WDR89: variants seen among roughly 807,000 people sequenced by gnomAD.
WDR89 encodes the protein WD repeat-containing protein 89.
WDR89 carries 17 observed loss-of-function variants against 29.1 expected under a neutral mutation model. The observed-to-expected ratio is 0.58, with a 90% CI of 0.40 to 0.88. The LOEUF is 0.88. Among genes scored for constraint, WDR89 ranks in the 40% least tolerant of loss-of-function variants. The pLI is 0.00. For missense variants in WDR89, 396 were observed against 456.3 expected, an observed-to-expected ratio of 0.87 and a Z score of 1.20; for synonymous variants, 138 against 157.8, an observed-to-expected ratio of 0.87 and a Z score of 0.94.
In WDR89 at chr14:63,603,918, T is replaced by C. The variant is rs114967360; in HGVS notation, c.-31-3945A>G. 5.9e-3 allele frequency among the ~76,000 whole-genome samples: 895 copies of C among 152,332 alleles called. 5 individuals carry two copies. Among genetic ancestry groups the C allele is most frequent in the African/African-American group, 0.021 (855 of 41,578 alleles). On this transcript the variant is annotated intron_variant, in intron 2 of 2. Transcript: ENST00000620954. Reference sequence around the variant, plus strand: ...CCCGCCAGACAAAATAGCCTTACCTTGAACACGTCAGGCTTGCTCCTGCCT... The same window carrying C: ...CCCGCCAGACAAAATAGCCTTACCTCGAACACGTCAGGCTTGCTCCTGCCT...
At chr14:63,626,947 C>T (rs939332165) in intron 1 of WDR89, among the ~76,000 whole-genome samples, 4 of 151,756 alleles carry the variant, frequency 2.6e-5, no homozygotes, top group African/African-American at 9.7e-5. Flanking sequence ...AAAGAGAACC[C>T]GTCCTTACAA....
rs552320812 is a variant in WDR89, at chr14:63,610,729, GTC to G, written c.-31-10758_-31-10757del. On this transcript the variant is annotated intron_variant, in intron 2 of 2. Coordinates refer to ENST00000620954, the MANE Select transcript of WDR89 (RefSeq NM_080666.4). ...TTTTTTTTTTTTTTTTTGAGAGGGAGTCTCACTCTGTCACCCAGGCTGGAGTG... is the reference window on the plus strand; with the variant it reads ...TTTTTTTTTTTTTTTTTGAGAGGGAGTCACTCTGTCACCCAGGCTGGAGTG... Among the ~76,000 whole-genome samples, 193 of 142,584 alleles carry G rather than the reference GTC, an allele frequency of 1.4e-3. 1 individual carries two copies. The highest frequency in any genetic ancestry group is 4.9e-3 in the African/African-American group (187 of 38,220). 93.5% of individuals were successfully genotyped at this position (142,584 alleles called of 152,430 possible).
chr14:63,641,112 A>G (rs144153363), intron 1 of WDR89, among the ~76,000 whole-genome samples: 1,881 of 148,684 alleles, frequency 0.013, 38 homozygotes, highest in African/African-American at 0.044. Context: ...AAAAAAAAAA[A>G]AAAGAAAAAG....
chr14:63,599,083 T>C lies in WDR89; in HGVS notation c.860A>G (p.Asp287Gly). ...TGTTCCTCCAATAACATGCAATGTG[T>C]CTGTCTTTTCATGATATAGGCCACC... Reference protein sequence around the residue: ...LIGGLYHEKTDTLHVIGGTNK... With the variant: ...LIGGLYHEKTGTLHVIGGTNK... The change falls in exon 3 of 3, where the codon GAC becomes GGC. Residue 287 changes from aspartate to glycine, a missense_variant. Coordinates refer to ENST00000620954, the MANE Select transcript of WDR89 (RefSeq NM_080666.4). 4.3e-6 allele frequency: 7 copies of C among 1,614,148 alleles called. No individual in the cohort carries two copies. Among genetic ancestry groups the C allele is most frequent in the Non-Finnish European group, 5.9e-6 (7 of 1,180,032 alleles).
At chr14:63,614,790 A>G (rs1023556754) in intron 2 of WDR89, among the ~76,000 whole-genome samples, 2 of 152,230 alleles carry the variant, frequency 1.3e-5, no homozygotes, top group Non-Finnish European at 2.9e-5. Flanking sequence ...GAACTGCTGA[A>G]TATTTAGTGG....
At chr14:63,624,358 T>G (rs190509990) in intron 2 of WDR89, among the ~76,000 whole-genome samples, 97 of 151,356 alleles carry the variant, frequency 6.4e-4, no homozygotes, top group Non-Finnish European at 9.0e-4. Context: ...TCCCAGCTAC[T>G]CAGGAGGCTG....
At chr14:63,616,051 T>A (rs1037970007) in intron 2 of WDR89, among the ~76,000 whole-genome samples, 1 of 152,114 alleles carries the variant, frequency 6.6e-6, no homozygotes, top group African/African-American at 2.4e-5. Context: ...GAGACCAGCT[T>A]AGGCAACATG....
intron 2 of WDR89, among the ~76,000 whole-genome samples, chr14:63,619,915 G>A (rs1449467890): frequency 7.0e-6 from 1 of 143,818 alleles, no homozygotes; most frequent in Non-Finnish European, 1.5e-5. Flanking sequence ...TGAGGCAGGA[G>A]AATCACTTGA....
At chr14:63,634,458 G>A (rs2139574899) in intron 1 of WDR89, among the ~76,000 whole-genome samples, 1 of 151,970 alleles carries the variant, frequency 6.6e-6, no homozygotes, top group East Asian at 1.9e-4. Flanking sequence ...GGAGGCAGAG[G>A]TTGCAGAGAG....
chr14:63,605,277 C>T (rs946966742), intron 2 of WDR89, among the ~76,000 whole-genome samples: 1 of 150,944 alleles, frequency 6.6e-6, no homozygotes, highest in Non-Finnish European at 1.5e-5. Flanking sequence ...AATTGTGGTC[C>T]CTGCAAATTC....
Position 63,599,776 on chromosome 14 carries a change from T to C in WDR89, c.167A>G (p.Asp56Gly), listed in dbSNP as rs368471602. The C allele has an allele frequency of 2.5e-6, 4 of 1,614,198 alleles. No individual in the cohort carries two copies. The African/African-American group carries it at 4.0e-5, about 16-fold the overall frequency. ...LCSNGSIRIYDKERLNVLREF... is the reference protein window; with the variant it reads ...LCSNGSIRIYGKERLNVLREF... ...TCGTAGTACATTTAACCTTTCTTTA[T>C]CATATATTCTGATTGATCCATTAGA... The change falls in exon 3 of 3, where the codon GAT (aspartate) becomes GGT (glycine). Residue 56 changes from aspartate to glycine, a missense_variant. Physicochemically the swap from Asp to Gly is moderately conservative, Grantham distance 94. Coordinates refer to ENST00000620954, the MANE Select transcript of WDR89 (RefSeq NM_080666.4).
intron 1 of WDR89, among the ~76,000 whole-genome samples, chr14:63,625,820 A>G (rs1225761633): frequency 6.6e-6 from 1 of 152,130 alleles, no homozygotes; most frequent in Non-Finnish European, 1.5e-5. Flanking sequence ...CATTTTAAAC[A>G]CAAAGAAGCA....
chr14:63,607,098 A>G (rs1895356662), intron 2 of WDR89, among the ~76,000 whole-genome samples: 1 of 152,238 alleles, frequency 6.6e-6, no homozygotes, highest in South Asian at 2.1e-4. Flanking sequence ...ACATGTAATA[A>G]CCCAGAAAAG....
chr14:63,639,836 G>A (rs546780658), intron 1 of WDR89, among the ~76,000 whole-genome samples: 96 of 152,114 alleles, frequency 6.3e-4, no homozygotes, highest in Admixed American at 1.8e-3. Context: ...AAAACTTCAC[G>A]GGTTTGGCAC....
chr14:63,605,364 G>A, intron 2 of WDR89, among the ~76,000 whole-genome samples: 1 of 151,776 alleles, frequency 6.6e-6, no homozygotes, highest in East Asian at 1.9e-4. Flanking sequence ...TCATATAAAA[G>A]TATAGTGCAT....
intron 2 of WDR89, among the ~76,000 whole-genome samples, chr14:63,614,935 G>A (rs770600712): frequency 3.9e-5 from 6 of 152,000 alleles, no homozygotes; most frequent in Non-Finnish European, 8.8e-5. Context: ...TCACATAAAC[G>A]TCCAAGATAG....
intron 1 of WDR89, among the ~76,000 whole-genome samples, chr14:63,634,745 T>C (rs1883620757): frequency 6.6e-6 from 1 of 151,712 alleles, no homozygotes; most frequent in Non-Finnish European, 1.5e-5. Flanking sequence ...GGCACATGCC[T>C]ATAATCCCAG....
intron 1 of WDR89, among the ~76,000 whole-genome samples, chr14:63,638,395 T>C (rs778689553): frequency 2.0e-5 from 3 of 152,204 alleles, no homozygotes; most frequent in African/African-American, 2.4e-5. Context: ...GAGTCCACCA[T>C]AGGCAACATA....
chr14:63,599,410 A>C lies in WDR89; in HGVS notation c.533T>G (p.Phe178Cys). Residue 178 changes from phenylalanine to cysteine, a missense_variant, in exon 3 of 3, where the codon TTC becomes TGC. Coordinates refer to ENST00000620954, the MANE Select transcript of WDR89 (RefSeq NM_080666.4). ...THSDDVTQVR[F>C]HPSNPNMVVS... ...TACCATGTTGGGATTGCTGGGATGG[A>C]AACGTACTTGAGTGACATCATCACT... 1 of 1,614,206 alleles carries C rather than the reference A, an allele frequency of 6.2e-7. No homozygotes were observed. Among genetic ancestry groups the C allele is most frequent in the Non-Finnish European group, 8.5e-7 (1 of 1,180,028 alleles).
Sources: gnomAD v4.1 joint callset for allele counts (sites outside exome capture counted in the v4.1 genomes callset) on GRCh38, gnomAD v4.1.1 for gene constraint, MANE v1.5 for transcripts, NCBI Gene and HGNC (gene_info 2026-07-23, HGNC 2026-07-21) for gene names.